EBF2: variants seen among roughly 807,000 people sequenced by gnomAD.
The protein encoded by EBF2 is transcription factor COE2.
Under a neutral mutation model 72.8 loss-of-function variants are expected in EBF2, and 21 were observed. The ratio of observed to expected loss-of-function variants is 0.29; its 90% CI spans 0.20 to 0.42. EBF2 has a LOEUF of 0.42. Ranked by LOEUF, EBF2 falls within the 10% of genes least tolerant of loss-of-function variation. EBF2 has a pLI of 1.00. For synonymous variants in EBF2, 299 were observed against 274.2 expected, an observed-to-expected ratio of 1.09 and a Z score of -0.89; for missense variants, 637 against 731.2, an observed-to-expected ratio of 0.87 and a Z score of 1.49.
chr8:25,971,803 C>G (rs1804194602), intron 6 of EBF2, among the ~76,000 whole-genome samples: 1 of 152,016 alleles, frequency 6.6e-6, no homozygotes, highest in South Asian at 2.1e-4. Context: ...TAGCCTGCAT[C>G]TGGATTTTAA....
chr8:26,025,928 G>A (rs561039117), intron 6 of EBF2, among the ~76,000 whole-genome samples: 5 of 152,100 alleles, frequency 3.3e-5, no homozygotes, highest in Admixed American at 6.5e-5. Context: ...TCACAACACT[G>A]TGGAAGCCTG....
At chr8:25,908,957 G>A (rs1803083889) in intron 6 of EBF2, among the ~76,000 whole-genome samples, 1 of 152,160 alleles carries the variant, frequency 6.6e-6, no homozygotes, top group African/African-American at 2.4e-5. Flanking sequence ...AGGGCGTCTC[G>A]TCTGTGTGGC....
At chr8:25,968,533 G>A (rs918749422) in intron 6 of EBF2, among the ~76,000 whole-genome samples, 2 of 151,984 alleles carry the variant, frequency 1.3e-5, no homozygotes, top group Admixed American at 6.6e-5. Flanking sequence ...TGGGGGGAGG[G>A]GAAAATGGGA....
intron 7 of EBF2, among the ~76,000 whole-genome samples, chr8:25,907,419 C>CAAAAAAAAAA (rs55695734): frequency 6.9e-5 from 2 of 28,894 alleles, no homozygotes; most frequent in Admixed American, 5.8e-4. Context: ...GACCCTGCCT[C>CAAAAAAAAAA]AAAAAAAAAA....
chr8:26,012,213 G>A (rs1257267079), intron 6 of EBF2, among the ~76,000 whole-genome samples: 2 of 152,076 alleles, frequency 1.3e-5, no homozygotes, highest in African/African-American at 4.8e-5. Context: ...GGGAGAAAAA[G>A]CCACAGGTAG....
At chr8:25,923,418 G>A (rs942180788) in intron 6 of EBF2, among the ~76,000 whole-genome samples, 3 of 152,120 alleles carry the variant, frequency 2.0e-5, no homozygotes, top group African/African-American at 7.2e-5. Flanking sequence ...ATCAGGCCCG[G>A]TATTTTTGTT....
At chr8:25,964,266 TG>T (rs141111166) in intron 6 of EBF2, among the ~76,000 whole-genome samples, 1,957 of 152,218 alleles carry the variant, frequency 0.013, 24 homozygotes, top group South Asian at 0.087. Context: ...AACATTCTGT[TG>T]GGATTAGAAA....
At chr8:25,853,864 A>G (rs1282049522) in intron 14 of EBF2, among the ~76,000 whole-genome samples, 1 of 152,126 alleles carries the variant, frequency 6.6e-6, no homozygotes, top group African/African-American at 2.4e-5. Flanking sequence ...TACATAACAC[A>G]TACTAAGCCC....
intron 6 of EBF2, among the ~76,000 whole-genome samples, chr8:25,992,961 TGCTGGTCAA>T (rs1408561367): frequency 6.6e-6 from 1 of 152,084 alleles, no homozygotes; most frequent in African/African-American, 2.4e-5. Context: ...AGGGGAGCTG[TGCTGGTCAA>T]TGTGTGGAAA....
At chr8:25,989,292 T>C (rs1038895025) in intron 6 of EBF2, among the ~76,000 whole-genome samples, 3 of 152,170 alleles carry the variant, frequency 2.0e-5, no homozygotes, top group African/African-American at 7.2e-5. Context: ...AACAAACTCA[T>C]AGGATGGGCC....
intron 7 of EBF2, among the ~76,000 whole-genome samples, chr8:25,905,973 A>G (rs565568692): frequency 2.0e-5 from 3 of 152,350 alleles, no homozygotes; most frequent in East Asian, 1.9e-4. Context: ...ATACTTTCAC[A>G]TAGGATGAGA....
chr8:25,911,495 G>A (rs909741528), intron 6 of EBF2, among the ~76,000 whole-genome samples: 2 of 152,154 alleles, frequency 1.3e-5, no homozygotes, highest in African/African-American at 4.8e-5. Flanking sequence ...TGGGGCAGGA[G>A]AATGTACCAG....
At chr8:25,938,406 T>G (rs1287931349) in intron 6 of EBF2, among the ~76,000 whole-genome samples, 1 of 151,806 alleles carries the variant, frequency 6.6e-6, no homozygotes. Context: ...TTTTTTTGTC[T>G]TTCAGTTTTT....
chr8:25,934,221 GCATACACACA>G (rs1417343247), intron 6 of EBF2, among the ~76,000 whole-genome samples: 7 of 108,074 alleles, frequency 6.5e-5, no homozygotes, highest in African/African-American at 2.7e-4. Flanking sequence ...GACTTCATGT[GCATACACACA>G]CACACACACA....
chr8:25,992,359 CA>C (rs1804559026), intron 6 of EBF2, among the ~76,000 whole-genome samples: 1 of 110,878 alleles, frequency 9.0e-6, no homozygotes, highest in Admixed American at 9.4e-5. Context: ...AAAAAAAAAG[CA>C]AAAGGCAGTG....
intron 6 of EBF2, among the ~76,000 whole-genome samples, chr8:25,920,704 T>C (rs531805625): frequency 2.0e-5 from 2 of 101,144 alleles, no homozygotes; most frequent in African/African-American, 2.7e-5. Context: ...CTTTGGCTAA[T>C]GGATTTTTTT....
rs530539556 is a variant in EBF2 at position 25,865,890 on chromosome 8, TG to T, written c.1010-3094del. 1.6e-4 allele frequency among the ~76,000 whole-genome samples: 24 copies of T among 151,876 alleles called. No individual in the cohort carries two copies. In the South Asian group the frequency reaches 4.6e-3, roughly 29 times the overall value. On this transcript the variant is annotated intron_variant, in intron 10 of 15. Coordinates refer to ENST00000520164, the MANE Select transcript of EBF2 (RefSeq NM_022659.4). ...AATACAAAAAATTAGCCGGGCGTGG[TG>T]GCGGGTGCCTGTAGTCCCAGCTACT...
chr8:25,870,204 A>G (rs1301831631), intron 10 of EBF2, among the ~76,000 whole-genome samples: 1 of 152,168 alleles, frequency 6.6e-6, no homozygotes, highest in African/African-American at 2.4e-5. Flanking sequence ...TGCAGGGCAA[A>G]CAGACTTGAT....
chr8:25,859,996 C>T (rs919884384), intron 13 of EBF2, among the ~76,000 whole-genome samples: 1 of 151,880 alleles, frequency 6.6e-6, no homozygotes, highest in Non-Finnish European at 1.5e-5. Context: ...GGATTACAAG[C>T]GTGAGCCACC....
Sources: gnomAD v4.1 joint callset for allele counts (sites outside exome capture counted in the v4.1 genomes callset) on GRCh38, gnomAD v4.1.1 for gene constraint, MANE v1.5 for transcripts, NCBI Gene and HGNC (gene_info 2026-07-23, HGNC 2026-07-21) for gene names.